TEAD1: variants seen among roughly 807,000 people sequenced by gnomAD.
TEAD1 encodes transcriptional enhancer factor TEF-1.
TEAD1 carries 9 observed loss-of-function variants against 54.9 expected under a neutral mutation model. That is an observed-to-expected ratio of 0.16 (90% CI 0.10 to 0.29). The LOEUF is 0.29. Among genes scored for constraint, TEAD1 ranks in the 10% least tolerant of loss-of-function variants. The pLI is 1.00. For synonymous variants in TEAD1, 200 were observed against 187.8 expected, an observed-to-expected ratio of 1.07 and a Z score of -0.53; for missense variants, 387 against 535.9, an observed-to-expected ratio of 0.72 and a Z score of 2.74.
intron 2 of TEAD1, among the ~76,000 whole-genome samples, chr11:12,762,476 G>A (rs1036266273): frequency 3.6e-4 from 55 of 152,144 alleles, no homozygotes; most frequent in African/African-American, 1.3e-3. Flanking sequence ...TTCTTGTGGC[G>A]TAATTTATAC....
In TEAD1 at chr11:12,878,783, A is replaced by G. The variant is rs185442647; in HGVS notation, c.331-925A>G. 36 of 609,422 alleles carry G rather than the reference A, an allele frequency of 5.9e-5. No individual in the cohort carries two copies. In the Admixed American group the frequency reaches 1.2e-3, roughly 20 times the overall value. The allele number at this position is 609,422 out of a possible 1,614,324, so 37.8% of individuals were successfully genotyped here. A position where few individuals can be genotyped will look rare whatever the true frequency, so the allele number is the denominator to read the frequency against. ...GTATTATATGTTTGTGTACATATAT[A>G]CATATGTATATATACACATATATAT... On this transcript the variant is annotated intron_variant, in intron 5 of 12. Transcript: ENST00000527636.
chr11:12,920,335 T>C (rs375824804), intron 10 of TEAD1, among the ~76,000 whole-genome samples: 11 of 152,326 alleles, frequency 7.2e-5, no homozygotes, highest in African/African-American at 2.6e-4. Flanking sequence ...TAAACTTAGT[T>C]AACATTTTAA....
chr11:12,797,557 T>C lies in TEAD1; in HGVS notation c.202+33123T>C, dbSNP rs545392098. Among the ~76,000 whole-genome samples the C allele has an allele frequency of 2.7e-5, 4 of 150,448 alleles. No individual in the cohort carries two copies. The South Asian group carries it at 8.3e-4, about 31-fold the overall frequency. ...AAGTCTTGGATGTGCATGCTGTCCC[T>C]CTCTTTTTTTTTTTTTAAACTAACC... On this transcript the variant is annotated intron_variant, in intron 3 of 12. Transcript: ENST00000527636.
rs78545796 is a variant in TEAD1, at chr11:12,890,056, C to T, written c.699+6931C>T. 4.2e-3 allele frequency among the ~76,000 whole-genome samples: 644 copies of T among 152,244 alleles called. 21 individuals are homozygous for T. In the East Asian group the frequency reaches 0.084, roughly 20 times the overall value. ...ATTTATATATTATGTCAATAATGAT[C>T]ATCACCAGCACTTATGAGCTCTGTA... On this transcript the variant is annotated intron_variant, in intron 9 of 12. Coordinates refer to ENST00000527636, the MANE Select transcript of TEAD1 (RefSeq NM_021961.6).
chr11:12,828,689 T>TG (rs1028609413), intron 3 of TEAD1, among the ~76,000 whole-genome samples: 3 of 151,562 alleles, frequency 2.0e-5, no homozygotes, highest in African/African-American at 7.3e-5. Flanking sequence ...TTTTTTTTTT[T>TG]TTTAAATGGT....
At chr11:12,854,758 AT>A (rs11364747) in intron 3 of TEAD1, among the ~76,000 whole-genome samples, 41,274 of 124,026 alleles carry the variant, frequency 0.33, 6,482 homozygotes, top group South Asian at 0.42. Context: ...AGCCTGGCTG[AT>A]TTTTTTTTTT....
At chr11:12,817,959 G>A (rs559292966) in intron 3 of TEAD1, among the ~76,000 whole-genome samples, 2 of 152,340 alleles carry the variant, frequency 1.3e-5, no homozygotes, top group East Asian at 3.9e-4. Context: ...TGCAAAGAAA[G>A]CGGCGTTTGT....
At chr11:12,742,061 A>T (rs189898006) in intron 2 of TEAD1, among the ~76,000 whole-genome samples, 1 of 152,234 alleles carries the variant, frequency 6.6e-6, no homozygotes, top group African/African-American at 2.4e-5. Flanking sequence ...AGAGGTTGGA[A>T]TGCACCTTTC....
intron 2 of TEAD1, among the ~76,000 whole-genome samples, chr11:12,713,356 G>A (rs1268935329): frequency 3.3e-5 from 5 of 152,176 alleles, no homozygotes; most frequent in East Asian, 3.8e-4. Flanking sequence ...CCTCAAACCC[G>A]TGCCCACATT....
At position 12,768,070 on chromosome 11, in the gene TEAD1, C is replaced by A. The variant is rs147932229; in HGVS notation, c.202+3636C>A. Among the ~76,000 whole-genome samples, 49 of 152,280 alleles carry A rather than the reference C, an allele frequency of 3.2e-4. 1 individual carries two copies. In the East Asian group the frequency reaches 8.3e-3, roughly 26 times the overall value. On this transcript the variant is annotated intron_variant, in intron 3 of 12. Coordinates refer to ENST00000527636, the MANE Select transcript of TEAD1 (RefSeq NM_021961.6). ...TACTTTTGCAACTGAAAATCCCAGT[C>A]AGATAGACCCCATAATCAAATAGGG... is the stretch of plus-strand genomic sequence containing the variant.
intron 3 of TEAD1, among the ~76,000 whole-genome samples, chr11:12,856,134 T>G (rs1416770758): frequency 2.6e-5 from 4 of 151,210 alleles, no homozygotes; most frequent in African/African-American, 9.7e-5. Context: ...TTCTTCCTTT[T>G]TTTTTTTTTT....
At chr11:12,862,827 A>G (rs531284550) in intron 4 of TEAD1, among the ~76,000 whole-genome samples, 12 of 152,322 alleles carry the variant, frequency 7.9e-5, no homozygotes, top group African/African-American at 2.9e-4. Flanking sequence ...GCTTTTTGTC[A>G]GTAGCTGCTG....
intron 12 of TEAD1, among the ~76,000 whole-genome samples, chr11:12,932,324 G>A (rs1311867446): frequency 6.6e-6 from 1 of 152,120 alleles, no homozygotes; most frequent in Non-Finnish European, 1.5e-5. Context: ...GCAGTCAGAC[G>A]AGTAGAAGGT....
At chr11:12,767,157 G>T (rs957775276) in intron 3 of TEAD1, among the ~76,000 whole-genome samples, 1 of 152,068 alleles carries the variant, frequency 6.6e-6, no homozygotes, top group Non-Finnish European at 1.5e-5. Context: ...TGACTTGGGA[G>T]TCTCCCTGTT....
intron 3 of TEAD1, among the ~76,000 whole-genome samples, chr11:12,806,782 A>G (rs1487776366): frequency 6.6e-6 from 1 of 152,224 alleles, no homozygotes; most frequent in Non-Finnish European, 1.5e-5. Context: ...TGAATAAAAA[A>G]TAAGTGAAGT....
intron 2 of TEAD1, among the ~76,000 whole-genome samples, chr11:12,732,537 A>G (rs1240803145): frequency 6.6e-6 from 1 of 152,220 alleles, no homozygotes; most frequent in Admixed American, 6.5e-5. Flanking sequence ...GTGAGGAGGA[A>G]GAGACAAAAA....
At chr11:12,783,915 G>T (rs1945618964) in intron 3 of TEAD1, among the ~76,000 whole-genome samples, 1 of 152,152 alleles carries the variant, frequency 6.6e-6, no homozygotes, top group South Asian at 2.1e-4. Context: ...CAACTTTTCT[G>T]TGTATGCAGC....
chr11:12,839,129 A>G (rs1391554399), intron 3 of TEAD1, among the ~76,000 whole-genome samples: 1 of 151,080 alleles, frequency 6.6e-6, no homozygotes, highest in Non-Finnish European at 1.5e-5. Context: ...AAAAACTGGG[A>G]GCCGGGCATG....
chr11:12,721,602 G>A lies in TEAD1; in HGVS notation c.-54-42577G>A, dbSNP rs540270663. 2.0e-5 allele frequency among the ~76,000 whole-genome samples: 3 copies of A among 152,158 alleles called. No individual in the cohort carries two copies. In the South Asian group the frequency reaches 6.2e-4, roughly 32 times the overall value. ...TCATTCATTCACCCATTATTTCAAC[G>A]AACAGTTCTAAATACACATTATGTT... On this transcript the variant is annotated intron_variant, in intron 2 of 12. Transcript: ENST00000527636.
Sources: allele counts gnomAD v4.1 joint callset (sites outside exome capture counted in the v4.1 genomes callset), GRCh38; gene constraint gnomAD v4.1.1; transcripts MANE v1.5; gene names NCBI Gene and HGNC (gene_info 2026-07-23, HGNC 2026-07-21).